Variants in TRPM2 observed in about 807,000 individuals in gnomAD.
TRPM2 encodes transient receptor potential cation channel subfamily M member 2, also known as estrogen-responsive element-associated gene 1 protein.
TRPM2 carries 161 observed loss-of-function variants against 174.0 expected under a neutral mutation model. The ratio of observed to expected loss-of-function variants is 0.93; its 90% CI spans 0.81 to 1.05. The LOEUF is 1.05. Among genes scored for constraint, TRPM2 ranks in the 50% least tolerant of loss-of-function variants. TRPM2 has a pLI of 0.00. For synonymous variants in TRPM2, 954 were observed against 861.3 expected, an observed-to-expected ratio of 1.11 and a Z score of -1.88; for missense variants, 2,057 against 2,038.0, an observed-to-expected ratio of 1.01 and a Z score of -0.18.
chr21:44,411,697 C>G (rs181952523), intron 19 of TRPM2, among the ~76,000 whole-genome samples: 32 of 152,284 alleles, frequency 2.1e-4, no homozygotes, highest in Non-Finnish European at 4.1e-4. Context: ...AGGGAACAAG[C>G]CTTTCACCAT....
intron 11 of TRPM2, among the ~76,000 whole-genome samples, 189 bp from the exon 12 acceptor site, chr21:44,395,225 T>C (rs1402688800): frequency 6.6e-6 from 1 of 152,202 alleles, no homozygotes; most frequent in African/African-American, 2.4e-5. Context: ...CAGAACAGTG[T>C]TTTAAAAAAC....
chr21:44,360,060 C>T (rs1374411877), intron 2 of TRPM2, among the ~76,000 whole-genome samples: 2 of 152,002 alleles, frequency 1.3e-5, no homozygotes, highest in East Asian at 3.8e-4. Context: ...CTGAACTTTT[C>T]TAGGTTATTT....
At chr21:44,368,424 ATTTTT>A (rs936926639) in intron 4 of TRPM2, among the ~76,000 whole-genome samples, 5 of 135,342 alleles carry the variant, frequency 3.7e-5, no homozygotes, top group Non-Finnish European at 7.9e-5. Flanking sequence ...TGTTTTTTTT[ATTTTT>A]TTGTTTTTTT....
chr21:44,406,266 T>C (rs1351208358), intron 18 of TRPM2, among the ~76,000 whole-genome samples: 1 of 152,138 alleles, frequency 6.6e-6, no homozygotes, highest in Non-Finnish European at 1.5e-5. Context: ...CACTCATTCC[T>C]GGCCTCTGAT....
At chr21:44,378,487 C>T (rs957239315) in intron 7 of TRPM2, among the ~76,000 whole-genome samples, 4 of 152,166 alleles carry the variant, frequency 2.6e-5, no homozygotes, top group Admixed American at 6.5e-5. Flanking sequence ...CTATGCGTGC[C>T]GAGTACCCTT....
In TRPM2 at chr21:44,376,458, C is replaced by T. The variant is rs1301995285; in HGVS notation, c.952+445C>T. Among the ~76,000 whole-genome samples, 1 of 152,098 alleles carries T rather than the reference C, an allele frequency of 6.6e-6. No individual in the cohort carries two copies. The highest frequency in any genetic ancestry group is 1.5e-5 in the Non-Finnish European group (1 of 68,022). On this transcript the variant is annotated intron_variant, in intron 6 of 31. Coordinates refer to ENST00000397928, the MANE Select transcript of TRPM2 (RefSeq NM_003307.4). This position sits in a 1 kb window ranked among gnomAD's most constrained non-coding sequence, Gnocchi z 4.2. ...AGCGCAGTGGTGTGATCTCAGCTCACTGTAGCCTCGAACTTCTGGGCTCAA... is the reference window on the plus strand; with the variant it reads ...AGCGCAGTGGTGTGATCTCAGCTCATTGTAGCCTCGAACTTCTGGGCTCAA...
intron 5 of TRPM2, among the ~76,000 whole-genome samples, chr21:44,372,362 G>C (rs2048566892): frequency 6.6e-6 from 1 of 152,080 alleles, no homozygotes; most frequent in African/African-American, 2.4e-5. Context: ...CGGGCATGGT[G>C]GTAGGCGACT....
intron 19 of TRPM2, among the ~76,000 whole-genome samples, chr21:44,413,090 A>G (rs926160947): frequency 3.3e-5 from 5 of 152,010 alleles, no homozygotes; most frequent in Admixed American, 1.3e-4. Context: ...CTTACTTTCT[A>G]TGCACGCAGG....
chr21:44,397,946 C>T (rs909163197), intron 13 of TRPM2, 70 bp downstream of exon 13: 2 of 1,475,028 alleles, frequency 1.4e-6, no homozygotes, highest in African/African-American at 2.8e-5. Context: ...AGTTCCCATC[C>T]CTGGGTCTCA....
Position 44,405,903 on chromosome 21 carries a change from AG to A in TRPM2, c.2658del, listed in dbSNP as rs1368040172. On this transcript the variant is annotated splice_acceptor_variant, in intron 17 of 31. Transcript: ENST00000397928. LOFTEE classifies it high-confidence loss of function. ...ATGTGTGTGCTTCTGCCCGGCGGCC[AG>A]GCTCATCCCGGCGACGCTGTACCCC... 2.5e-6 allele frequency: 4 copies of A among 1,601,778 alleles called. No homozygotes were observed. Among genetic ancestry groups the A allele is most frequent in the South Asian group, 1.1e-5 (1 of 91,044 alleles).
Position 44,376,165 on chromosome 21 carries a change from C to T in TRPM2, c.952+152C>T, listed in dbSNP as rs1237337212. 2.1e-6 allele frequency: 2 copies of T among 939,182 alleles called. No individual in the cohort carries two copies. The highest frequency in any genetic ancestry group is 3.3e-5 in the African/African-American group (2 of 60,004). The allele number at this position is 939,182 out of a possible 1,614,324, so 58.2% of individuals were successfully genotyped here. A position where few individuals can be genotyped will look rare whatever the true frequency, so the allele number is the denominator to read the frequency against. ...GGTCAGAGTGTCAGGTACAGCTGGT[C>T]ACAGGTCATTCGTGGCACTCGGCAG... On this transcript the variant is annotated intron_variant, in intron 6 of 31. Coordinates refer to ENST00000397928, the MANE Select transcript of TRPM2 (RefSeq NM_003307.4). The surrounding 1 kb of genome is among the most constrained non-coding windows in gnomAD (Gnocchi z 4.2).
chr21:44,423,758 C>G (rs777765767), intron 23 of TRPM2, 26 bp downstream of exon 23: 3 of 1,564,342 alleles, frequency 1.9e-6, no homozygotes, highest in Non-Finnish European at 2.6e-6. Context: ...GGGCCTCCGT[C>G]AGGAGGTGCC....
intron 2 of TRPM2, among the ~76,000 whole-genome samples, chr21:44,358,225 G>A (rs1241783929): frequency 6.6e-6 from 1 of 152,184 alleles, no homozygotes; most frequent in Non-Finnish European, 1.5e-5. Flanking sequence ...CCCTGGTCCA[G>A]ACCTTTGTGC....
At chr21:44,426,216 A>C (rs2075279530) in intron 25 of TRPM2, among the ~76,000 whole-genome samples, 2 of 151,652 alleles carry the variant, frequency 1.3e-5, no homozygotes, top group South Asian at 4.2e-4. Context: ...GAAGAGAGAC[A>C]GAGACACAGA....
chr21:44,406,547 G>A (rs773582498), intron 18 of TRPM2, 47 bp from the exon 19 acceptor site: 25 of 1,565,804 alleles, frequency 1.6e-5, no homozygotes, highest in Non-Finnish European at 2.2e-5. Context: ...GGCCCAGTGA[G>A]CATCGGGGGC....
At chr21:44,401,476 C>A (rs1181588717) in intron 15 of TRPM2, among the ~76,000 whole-genome samples, 1 of 152,168 alleles carries the variant, frequency 6.6e-6, no homozygotes, top group South Asian at 2.1e-4. Context: ...CCAGCCCCAC[C>A]CCGGTGGCTG....
intron 27 of TRPM2, among the ~76,000 whole-genome samples, chr21:44,430,053 A>G (rs2050970172): frequency 6.6e-6 from 1 of 152,204 alleles, no homozygotes. Flanking sequence ...TTAGCCAATT[A>G]GTGTGTGAAT....
rs4818920 is a variant in TRPM2, at chr21:44,436,916, G to A, written c.4062-146G>A. The A allele has an allele frequency of 0.028, 17,718 of 636,388 alleles. 1,399 individuals are homozygous for A. Among genetic ancestry groups the A allele is most frequent in the African/African-American group, 0.2 (11,009 of 54,202 alleles). 39.4% of individuals were successfully genotyped at this position (636,388 alleles called of 1,614,324 possible). On this transcript the variant is annotated intron_variant, in intron 28 of 31. Transcript: ENST00000397928. The stretch of plus-strand genomic sequence containing the variant: ...GGTTACTATCTCAGTCTTTTCCCTG[G>A]GGATGAAGAACTTGAAAAAGAACAC...
chr21:44,438,989 A>C lies in TRPM2; in HGVS notation c.4168-78A>C. Reference sequence around the variant, plus strand: ...CGCTGCCCACGCCGGGCAGGAGGCCAGTGGAGACGGGTGCCAGGGCAGCCT... The same window carrying C: ...CGCTGCCCACGCCGGGCAGGAGGCCCGTGGAGACGGGTGCCAGGGCAGCCT... On this transcript the variant is annotated intron_variant, in intron 29 of 31. Transcript: ENST00000397928. The surrounding 1 kb of genome is among the most constrained non-coding windows in gnomAD (Gnocchi z 5.9). 7 of 1,225,500 alleles carry C rather than the reference A, an allele frequency of 5.7e-6. No individual in the cohort carries two copies. Among genetic ancestry groups the C allele is most frequent in the Non-Finnish European group, 8.2e-6 (7 of 856,086 alleles). 75.9% of individuals were successfully genotyped at this position (1,225,500 alleles called of 1,614,324 possible).
Sources: gnomAD v4.1 joint callset for allele counts (sites outside exome capture counted in the v4.1 genomes callset) on GRCh38, gnomAD v4.1.1 for gene constraint, Gnocchi (gnomAD v3.1) non-coding constraint, MANE v1.5 for transcripts, NCBI Gene and HGNC (gene_info 2026-07-23, HGNC 2026-07-21) for gene names.